Variants in SRPRB observed in about 807,000 individuals in gnomAD.
The protein encoded by SRPRB is SRP receptor subunit beta.
SRPRB carries 20 observed loss-of-function variants against 31.9 expected under a neutral mutation model. The ratio of observed to expected loss-of-function variants is 0.63; its 90% CI spans 0.44 to 0.91. The LOEUF (loss-of-function observed/expected upper bound fraction) is 0.91. SRPRB is among the 40% of genes least tolerant of loss of function. The pLI is 0.00. For synonymous variants in SRPRB, 146 were observed against 132.8 expected (o/e 1.10, Z -0.68); for missense variants, 321 against 324.9 (o/e 0.99, Z 0.09).
chr3:133,811,230 C>A, intron 4 of SRPRB, 31 bp downstream of exon 4: 1 of 1,605,422 alleles, frequency 6.2e-7, no homozygotes, highest in Non-Finnish European at 8.5e-7. Context: ...GTGGGCTTGT[C>A]TAGGTCTGTA....
At chr3:133,813,548 C>T (rs142071392) in intron 4 of SRPRB, among the ~76,000 whole-genome samples, 8 of 152,116 alleles carry the variant, frequency 5.3e-5, no homozygotes, top group Non-Finnish European at 1.2e-4. Context: ...AAAATACTTA[C>T]CTTTTCAAAC....
At chr3:133,817,250 C>T (rs913409590) in intron 6 of SRPRB, among the ~76,000 whole-genome samples, 3 of 152,042 alleles carry the variant, frequency 2.0e-5, no homozygotes, top group Non-Finnish European at 4.4e-5. Context: ...AACTTGAGAA[C>T]GGTGTTATTT....
At chr3:133,814,526 C>A (rs1165601469) in intron 4 of SRPRB, among the ~76,000 whole-genome samples, 1 of 152,128 alleles carries the variant, frequency 6.6e-6, no homozygotes, top group African/African-American at 2.4e-5. Flanking sequence ...GCAACCTTCG[C>A]CTTCTGGGTT....
chr3:133,807,858 C>G (rs1264884569), intron 3 of SRPRB, 35 bp downstream of exon 3: 38 of 1,521,340 alleles, frequency 2.5e-5, no homozygotes, highest in Non-Finnish European at 3.3e-5. Flanking sequence ...GTCTGACAGT[C>G]TTACTTTACT....
downstream of SRPRB, chr3:133,827,952 C>T: frequency 2.8e-6 from 2 of 703,002 alleles, no homozygotes; most frequent in South Asian, 1.5e-5. Context: ...AGTCTATAAA[C>T]CACGCACCAC....
rs1168828104 is a variant in SRPRB, at chr3:133,811,113, C to G, written c.328-4C>G. 1 of 1,614,008 alleles carries G rather than the reference C, an allele frequency of 6.2e-7. No homozygotes were observed. Among genetic ancestry groups the G allele is most frequent in the Admixed American group, 1.7e-5 (1 of 60,012 alleles). On this transcript the variant is annotated splice_polypyrimidine_tract_variant and splice_region_variant and intron_variant, in intron 3 of 6. Transcript: ENST00000678299. ...AACGTTAATGTTATTGCTGCCATCC[C>G]CAGGGCAATAGTCTGACCTTGATTG... is the stretch of plus-strand genomic sequence containing the variant.
chr3:133,827,472 C>T (rs72976328), downstream of SRPRB: 1,619 of 174,346 alleles, frequency 9.3e-3, 22 homozygotes, highest in African/African-American at 0.034. Flanking sequence ...TGCAGATTCT[C>T]AGGACTAAGC....
intron 1 of SRPRB, among the ~76,000 whole-genome samples, chr3:133,798,689 T>A (rs369166831): frequency 6.6e-6 from 1 of 152,132 alleles, no homozygotes. Flanking sequence ...TCATGATGTG[T>A]AAAAAAGCAT....
chr3:133,786,575 C>T (rs1386742910), intron 1 of SRPRB: 1 of 152,212 alleles, frequency 6.6e-6, no homozygotes, highest in Non-Finnish European at 1.5e-5. Flanking sequence ...GACTTTACAT[C>T]TAGTCTTTCT....
downstream of SRPRB, chr3:133,827,763 C>G (rs1200521567): frequency 2.6e-5 from 3 of 116,358 alleles, no homozygotes; most frequent in Non-Finnish European, 3.7e-5. Flanking sequence ...CCCCCCCCCG[C>G]CTCCCCATCA....
chr3:133,805,690 A>T, upstream of SRPRB: 1 of 855,268 alleles, frequency 1.2e-6, no homozygotes. Context: ...ACGGAGTCCC[A>T]GAGAACTACA....
downstream of SRPRB, chr3:133,824,385 A>G (rs974056924): frequency 6.6e-6 from 1 of 152,130 alleles, no homozygotes; most frequent in Non-Finnish European, 1.5e-5. Flanking sequence ...CTCACAGCCA[A>G]TCACTTTAAA....
rs139202371 is a variant in SRPRB at position 133,811,152 on chromosome 3, T to C, written c.363T>C (p.His121=). ...TGACCTTGATTGACCTTCCCGGCCA[T>C]GAGAGTTTGAGGCTTCAGTTCTTAG... is the stretch of plus-strand genomic sequence containing the variant. ...NSLTLIDLPG[H]ESLRLQFLER... The change falls in exon 4 of 7, where the codon CAT becomes CAC. Residue 121 remains histidine, a synonymous_variant. Transcript: ENST00000678299. 22 of 1,614,016 alleles carry C rather than the reference T, an allele frequency of 1.4e-5. No individual in the cohort carries two copies. In the African/African-American group the frequency reaches 2.3e-4, roughly 17 times the overall value.
At chr3:133,806,084 CG>C in intron 1 of SRPRB, 82 bp downstream of exon 1, 1 of 1,535,176 alleles carries the variant, frequency 6.5e-7, no homozygotes, top group Non-Finnish European at 8.8e-7. Context: ...GCCGGGGACG[CG>C]GGGCTGAGAG....
chr3:133,805,747 A>G (rs60142346), upstream of SRPRB: 252,177 of 1,451,152 alleles, frequency 0.17, 26,475 homozygotes, highest in East Asian at 0.49. Flanking sequence ...GGGAGAGACT[A>G]TGGCTTAGGA....
rs1559892740 is a variant in SRPRB, at chr3:133,815,735, A to AT, written c.547+10dup. 1 of 1,610,806 alleles carries AT rather than the reference A, an allele frequency of 6.2e-7. No individual in the cohort carries two copies. Among genetic ancestry groups the AT allele is most frequent in the Non-Finnish European group, 8.5e-7 (1 of 1,177,752 alleles). On this transcript the variant is annotated intron_variant, in intron 5 of 6. Transcript: ENST00000678299. Reference sequence around the variant, plus strand: ...AGCCTGCAATAAGCAAGGTGCCATCATGTTTTCTTGCAATAATAATTGAGT... The same window carrying AT: ...AGCCTGCAATAAGCAAGGTGCCATCATTGTTTTCTTGCAATAATAATTGAGT...
chr3:133,795,767 G>C (rs78537082), intron 1 of SRPRB: 4 of 151,786 alleles, frequency 2.6e-5, no homozygotes, highest in African/African-American at 9.7e-5. Flanking sequence ...TAGTGGAGAC[G>C]GGGTTTCACC....
At chr3:133,808,889 C>CAA (rs200185544) in intron 3 of SRPRB, among the ~76,000 whole-genome samples, 43 of 88,292 alleles carry the variant, frequency 4.9e-4, no homozygotes, top group South Asian at 1.1e-3. Flanking sequence ...GACTAAGTCT[C>CAA]AAAAAAAAAA....
downstream of SRPRB, chr3:133,827,566 T>A (rs1022281351): frequency 3.4e-6 from 1 of 293,302 alleles, no homozygotes; most frequent in African/African-American, 2.2e-5. Flanking sequence ...AACCACATCC[T>A]CAGGTGACCA....
Sources: allele counts gnomAD v4.1 joint callset (sites outside exome capture counted in the v4.1 genomes callset), GRCh38; gene constraint gnomAD v4.1.1; transcripts MANE v1.5; gene names NCBI Gene and HGNC (gene_info 2026-07-23, HGNC 2026-07-21).